The following OSBPL9 variants were observed in gnomAD, a reference collection of about 807,000 sequenced individuals.
OSBPL9 encodes the protein oxysterol-binding protein-related protein 9.
In OSBPL9, 40 loss-of-function variants were observed where a neutral mutation model predicts 106.6. The observed-to-expected ratio is 0.38, with a 90% CI of 0.29 to 0.49. OSBPL9 has a LOEUF of 0.49. Ranked by LOEUF, OSBPL9 falls within the 20% of genes least tolerant of loss-of-function variation. The probability of loss-of-function intolerance (pLI) is 0.97; values close to 1 mark genes in which losing one functional copy is unlikely to be tolerated. For synonymous variants in OSBPL9, 269 were observed against 295.4 expected (o/e 0.91, Z 0.92); for missense variants, 609 against 887.2 (o/e 0.69, Z 3.98).
the OSBPL9 span, among the ~76,000 whole-genome samples, chr1:51,552,533 T>C: frequency 1.3e-5 from 2 of 152,114 alleles, no homozygotes; most frequent in African/African-American, 4.8e-5. Flanking sequence ...AAAAGTACCT[T>C]CACAAAACAA....
Position 51,699,548 on chromosome 1 carries a change from A to G in OSBPL9, c.242-14455A>G, listed in dbSNP as rs149765799. 3.8e-3 allele frequency among the ~76,000 whole-genome samples: 572 copies of G among 152,246 alleles called. 3 individuals are homozygous for G. The highest frequency in any genetic ancestry group is 6.3e-3 in the Admixed American group (97 of 15,292). ...AATTGTCCTCAATTTGACCAGAGGA[A>G]TCCTATTTAAGCTGACCTCTGTGTC... On this transcript the variant is annotated intron_variant, in intron 3 of 23. Coordinates refer to ENST00000428468, the MANE Select transcript of OSBPL9 (RefSeq NM_024586.6).
At chr1:51,706,414 G>A (rs1423534905) in intron 3 of OSBPL9, among the ~76,000 whole-genome samples, 1 of 151,964 alleles carries the variant, frequency 6.6e-6, no homozygotes, top group Non-Finnish European at 1.5e-5. Flanking sequence ...CAGTTGTGAT[G>A]TCCTCTTTCT....
At chr1:51,627,782 A>C (rs1330739257) in intron 1 of OSBPL9, among the ~76,000 whole-genome samples, 1 of 152,130 alleles carries the variant, frequency 6.6e-6, no homozygotes, top group Non-Finnish European at 1.5e-5. Flanking sequence ...TGTGTATTGA[A>C]ATGCCTGTCT....
At chr1:51,764,109 T>G (rs1170805793) in intron 11 of OSBPL9, among the ~76,000 whole-genome samples, 2 of 152,204 alleles carry the variant, frequency 1.3e-5, no homozygotes, top group Non-Finnish European at 2.9e-5. Context: ...AACTTCATTT[T>G]CTCCACTTTT....
At chr1:51,737,369 A>C (rs1010831263) in intron 4 of OSBPL9, among the ~76,000 whole-genome samples, 1 of 152,044 alleles carries the variant, frequency 6.6e-6, no homozygotes, top group African/African-American at 2.4e-5. Context: ...TTTTACCTAA[A>C]GCTTTTGAAT....
intron 12 of OSBPL9, among the ~76,000 whole-genome samples, chr1:51,766,259 T>C (rs1177035402): frequency 6.6e-6 from 1 of 152,230 alleles, no homozygotes; most frequent in Non-Finnish European, 1.5e-5. Context: ...CCTATAGTAA[T>C]GTGCCAGCGT....
At chr1:51,698,367 A>T (rs548476378) in intron 3 of OSBPL9, among the ~76,000 whole-genome samples, 1 of 152,282 alleles carries the variant, frequency 6.6e-6, no homozygotes, top group East Asian at 1.9e-4. Context: ...TCAGCATTTT[A>T]AAAAAATGAA....
intron 6 of OSBPL9, 107 bp downstream of exon 6, chr1:51,746,864 C>A: frequency 2.3e-6 from 2 of 870,166 alleles, no homozygotes; most frequent in African/African-American, 1.7e-5. Flanking sequence ...TATTATTGAC[C>A]TAGTGTAATA....
intron 1 of OSBPL9, among the ~76,000 whole-genome samples, chr1:51,593,187 A>C (rs1217925479): frequency 6.6e-6 from 1 of 151,984 alleles, no homozygotes; most frequent in African/African-American, 2.4e-5. Context: ...GAAGAGGGGG[A>C]AAATGAGAGA....
At chr1:51,598,464 G>C (rs565143106) in intron 2 of OSBPL9, among the ~76,000 whole-genome samples, 1 of 152,232 alleles carries the variant, frequency 6.6e-6, no homozygotes, top group Non-Finnish European at 1.5e-5. Flanking sequence ...GTAGTGGGGT[G>C]GGGGTAGAGG....
chr1:51,521,252 A>T, the OSBPL9 span, among the ~76,000 whole-genome samples: 2 of 152,264 alleles, frequency 1.3e-5, no homozygotes, highest in African/African-American at 4.8e-5. Context: ...GAATGAGATG[A>T]CATATACAAA....
At chr1:51,558,143 A>G in the OSBPL9 span, among the ~76,000 whole-genome samples, 352 of 151,976 alleles carry the variant, frequency 2.3e-3, 1 homozygote, top group African/African-American at 7.4e-3. Context: ...AGCCAGGCGT[A>G]GTGGCGGGCG....
the OSBPL9 span, among the ~76,000 whole-genome samples, chr1:51,539,254 T>A: frequency 1.3e-5 from 2 of 151,760 alleles, no homozygotes; most frequent in Admixed American, 1.3e-4. Flanking sequence ...TCTGTAAATG[T>A]CACTTCCATC....
intron 4 of OSBPL9, among the ~76,000 whole-genome samples, chr1:51,739,185 C>T (rs1166295287): frequency 6.6e-6 from 1 of 151,898 alleles, no homozygotes. Flanking sequence ...TCCTTTTAAA[C>T]ATCATTGTGA....
chr1:51,533,841 C>CTTTTTTTT, the OSBPL9 span, among the ~76,000 whole-genome samples: 1 of 124,170 alleles, frequency 8.1e-6, no homozygotes, highest in African/African-American at 3.1e-5. Context: ...TTTCTTTTTT[C>CTTTTTTTT]TTTCTTTTTT....
chr1:51,578,604 G>C (rs1645200246), intron 1 of OSBPL9, among the ~76,000 whole-genome samples: 1 of 152,174 alleles, frequency 6.6e-6, no homozygotes, highest in African/African-American at 2.4e-5. Context: ...ACACAGACTT[G>C]TCAGTTACAG....
intron 3 of OSBPL9, among the ~76,000 whole-genome samples, chr1:51,702,565 T>C (rs1278143440): frequency 2.6e-5 from 4 of 152,252 alleles, no homozygotes; most frequent in African/African-American, 9.6e-5. Context: ...GATGAGTAGA[T>C]TGCAAAATTT....
Position 51,788,861 on chromosome 1 carries a change from C to T in OSBPL9, c.*1072C>T, listed in dbSNP as rs1678349002. ...CTATATCTATCTATCTATCTATCAT[C>T]TTTTTTATTTAAAAATACATTAAAA... On this transcript the variant is annotated 3_prime_UTR_variant, in exon 24 of 24. Coordinates refer to ENST00000428468, the MANE Select transcript of OSBPL9 (RefSeq NM_024586.6). 6.6e-6 allele frequency among the ~76,000 whole-genome samples: 1 copy of T among 151,762 alleles called. No homozygotes were observed. The highest frequency in any genetic ancestry group is 2.4e-5 in the African/African-American group (1 of 41,138).
chr1:51,675,632 A>G (rs1200670361), intron 3 of OSBPL9, among the ~76,000 whole-genome samples: 1 of 152,190 alleles, frequency 6.6e-6, no homozygotes, highest in Non-Finnish European at 1.5e-5. Context: ...AGGAATGATC[A>G]GAGAGTTTAG....
Sources: allele counts gnomAD v4.1 joint callset (sites outside exome capture counted in the v4.1 genomes callset), GRCh38; gene constraint gnomAD v4.1.1; transcripts MANE v1.5; gene names NCBI Gene and HGNC (gene_info 2026-07-23, HGNC 2026-07-21).